KLHL41: variants seen among roughly 807,000 people sequenced by gnomAD.
KLHL41 encodes kelch-like protein 41.
Under a neutral mutation model 49.2 loss-of-function variants are expected in KLHL41, and 31 were observed. The observed-to-expected ratio is 0.63, with a 90% confidence interval of 0.47 to 0.85. The LOEUF is 0.85. Ranked by LOEUF, KLHL41 falls within the 40% of genes least tolerant of loss-of-function variation. The probability of loss-of-function intolerance (pLI) is 0.00; values close to 1 mark genes in which losing one functional copy is unlikely to be tolerated. For missense variants in KLHL41, 663 were observed against 726.7 expected (o/e 0.91, Z 1.01); for synonymous variants, 218 against 258.5 (o/e 0.84, Z 1.50).
At chr2:169,512,347 A>G (rs932041079) in intron 1 of KLHL41, among the ~76,000 whole-genome samples, 9 of 152,200 alleles carry the variant, frequency 5.9e-5, no homozygotes, top group Non-Finnish European at 1.5e-5. Flanking sequence ...TAAGAATGTT[A>G]TAAAAACACA....
At chr2:169,522,649 A>G (rs962482927) in intron 5 of KLHL41, among the ~76,000 whole-genome samples, 8 of 150,522 alleles carry the variant, frequency 5.3e-5, no homozygotes, top group Non-Finnish European at 1.0e-4. Context: ...GACCAATTAT[A>G]TCAAAATTTC....
In KLHL41 at chr2:169,517,400, C is replaced by T. The variant is rs567645019; in HGVS notation, c.1377-790C>T. Among the ~76,000 whole-genome samples, 4 of 152,250 alleles carry T rather than the reference C, an allele frequency of 2.6e-5. No individual in the cohort carries two copies. In the South Asian group the frequency reaches 6.2e-4, roughly 24 times the overall value. On this transcript the variant is annotated intron_variant, in intron 3 of 5. Coordinates refer to ENST00000284669, the MANE Select transcript of KLHL41 (RefSeq NM_006063.3). ...GGAGGATCACTTGAGCTCAGGAATT[C>T]GAGACCAGCCTGGCCAACATGGCGA...
chr2:169,513,576 T>G (rs1392510166), intron 1 of KLHL41, among the ~76,000 whole-genome samples: 1 of 152,180 alleles, frequency 6.6e-6, no homozygotes, highest in Non-Finnish European at 1.5e-5. Flanking sequence ...TTAACTGAGG[T>G]TACTAGACCA....
intron 5 of KLHL41, among the ~76,000 whole-genome samples, chr2:169,524,193 T>A (rs1684262452): frequency 6.6e-6 from 1 of 152,150 alleles, no homozygotes. Context: ...TATTTATCTC[T>A]TAATTTGTTG....
At chr2:169,520,243 T>A in intron 4 of KLHL41, among the ~76,000 whole-genome samples, 1 of 131,814 alleles carries the variant, frequency 7.6e-6, no homozygotes, top group Non-Finnish European at 1.6e-5. Flanking sequence ...GCTGGTCTCA[T>A]ACTCCTTGGG....
chr2:169,522,895 G>A, intron 5 of KLHL41, among the ~76,000 whole-genome samples: 1 of 151,578 alleles, frequency 6.6e-6, no homozygotes, highest in African/African-American at 2.4e-5. Flanking sequence ...GCTAATTTTT[G>A]TATTTTTAGT....
intron 5 of KLHL41, among the ~76,000 whole-genome samples, chr2:169,522,051 GA>G (rs1470311544): frequency 1.3e-5 from 2 of 151,428 alleles, no homozygotes; most frequent in African/African-American, 4.9e-5. Flanking sequence ...TACTGAATGA[GA>G]ATCTGTATTT....
chr2:169,510,566 TC>T lies in KLHL41; in HGVS notation c.791del (p.Pro264GlnfsTer15). Reference protein sequence around the residue: ...KVLKDAFAGKLPEPSKNAAKT... With the variant: ...KVLKDAFAGKXPEPSKNAAKT... ...CTAAAAGATGCTTTCGCAGGCAAAC[TC>T]CCAGAACCTAGCAAAAATGCCGCGA... On this transcript the variant is annotated frameshift_variant, in exon 1 of 6. Transcript: ENST00000284669. LOFTEE classifies it high-confidence loss of function. The surrounding 1 kb of genome is among the most constrained non-coding windows in gnomAD (Gnocchi z 4.2). 1 of 1,614,070 alleles carries T rather than the reference TC, an allele frequency of 6.2e-7. No individual in the cohort carries two copies. The highest frequency in any genetic ancestry group is 8.5e-7 in the Non-Finnish European group (1 of 1,180,006).
chr2:169,524,008 T>A lies in KLHL41; in HGVS notation c.1710-1577T>A, dbSNP rs1479289827. On this transcript the variant is annotated intron_variant, in intron 5 of 5. Transcript: ENST00000284669. ...ATTCTCAACATAGACCCTCTTACTA[T>A]ACGTAAAAAAAAAATTCCATTCTTG... Among the ~76,000 whole-genome samples the A allele has an allele frequency of 3.3e-5, 5 of 149,480 alleles. 1 individual carries two copies. The highest frequency in any genetic ancestry group is 1.3e-4 in the African/African-American group (5 of 38,974).
chr2:169,514,566 T>A lies in KLHL41; in HGVS notation c.1111-8T>A. On this transcript the variant is annotated splice_region_variant and splice_polypyrimidine_tract_variant and intron_variant, in intron 1 of 5. Transcript: ENST00000284669. ...GGCTCCACAATCTCTCATATATGTTTTTTTCAGCTCGATAGCATAGCATCT... is the reference window on the plus strand; with the variant it reads ...GGCTCCACAATCTCTCATATATGTTATTTTCAGCTCGATAGCATAGCATCT... The A allele has an allele frequency of 6.2e-7, 1 of 1,603,678 alleles. No individual in the cohort carries two copies. Among genetic ancestry groups the A allele is most frequent in the Non-Finnish European group, 8.5e-7 (1 of 1,177,212 alleles).
intron 5 of KLHL41, 130 bp downstream of exon 5, chr2:169,521,137 C>G: frequency 1.3e-6 from 1 of 760,504 alleles, no homozygotes; most frequent in Non-Finnish European, 2.1e-6. Context: ...CTAAACACTT[C>G]AAACCTAATT....
At chr2:169,519,467 AAC>A (rs1285900055) in intron 4 of KLHL41, among the ~76,000 whole-genome samples, 1 of 152,170 alleles carries the variant, frequency 6.6e-6, no homozygotes, top group Non-Finnish European at 1.5e-5. Context: ...GTTAAGAAGC[AAC>A]ACACAAAAAT....
intron 3 of KLHL41, among the ~76,000 whole-genome samples, 192 bp downstream of exon 3, chr2:169,515,153 C>G (rs1010959694): frequency 1.4e-4 from 21 of 151,744 alleles, no homozygotes; most frequent in Non-Finnish European, 7.4e-5. Flanking sequence ...CCTGTCTCAG[C>G]CTCCTGAGTA....
intron 4 of KLHL41, among the ~76,000 whole-genome samples, chr2:169,519,142 T>G (rs1317894215): frequency 6.6e-6 from 1 of 152,226 alleles, no homozygotes; most frequent in Non-Finnish European, 1.5e-5. Context: ...GTTTATAATT[T>G]TATTAAAAAT....
intron 3 of KLHL41, among the ~76,000 whole-genome samples, chr2:169,517,808 C>T (rs1476666040): frequency 6.6e-6 from 1 of 152,016 alleles, no homozygotes; most frequent in East Asian, 1.9e-4. Flanking sequence ...TTAACTGATT[C>T]GTTCCTAGGA....
At chr2:169,519,228 A>C (rs1165061059) in intron 4 of KLHL41, among the ~76,000 whole-genome samples, 1 of 152,182 alleles carries the variant, frequency 6.6e-6, no homozygotes, top group Non-Finnish European at 1.5e-5. Context: ...TGGTCTTTTT[A>C]AAATTTTTGA....
Position 169,510,907 on chromosome 2 carries a change from A to G in KLHL41, c.1110+19A>G, listed in dbSNP as rs369566057. Reference sequence around the variant, plus strand: ...CTTCCAGGTAAGAAGGACTTTTTGTATATGTAGTTGCTTAAAGGGAAGGCT... The same window carrying G: ...CTTCCAGGTAAGAAGGACTTTTTGTGTATGTAGTTGCTTAAAGGGAAGGCT... On this transcript the variant is annotated intron_variant, in intron 1 of 5. Transcript: ENST00000284669. The surrounding 1 kb of genome is among the most constrained non-coding windows in gnomAD (Gnocchi z 4.2). 71 of 1,600,286 alleles carry G rather than the reference A, an allele frequency of 4.4e-5. No individual in the cohort carries two copies. In the African/African-American group the frequency reaches 8.0e-4, roughly 18 times the overall value.
chr2:169,518,429 T>C (rs1684150231), intron 4 of KLHL41, 54 bp downstream of exon 4: 2 of 1,322,794 alleles, frequency 1.5e-6, no homozygotes, highest in East Asian at 4.7e-5. Context: ...ATTTTAATTG[T>C]TAACTTTGGA....
rs570441759 is a variant in KLHL41, at chr2:169,520,964, G to A, written c.1666G>A (p.Glu556Lys). The change falls in exon 5 of 6, where the codon GAG (glutamate) becomes AAG (lysine). Residue 556 changes from glutamate (E) to lysine (K), a missense_variant. Physicochemically the swap from Glu to Lys is moderately conservative, Grantham distance 56 (BLOSUM62 1). Coordinates refer to ENST00000284669, the MANE Select transcript of KLHL41 (RefSeq NM_006063.3). ...TGGTGGTTTTGCTATGATTCAACTG[G>A]AGTCTAAAGAATTTGCACCCACTGA... Reference protein sequence around the residue: ...AIGGFAMIQLESKEFAPTEVN... With the variant: ...AIGGFAMIQLKSKEFAPTEVN... 3.4e-5 allele frequency: 55 copies of A among 1,614,000 alleles called. No individual in the cohort carries two copies. The South Asian group carries it at 5.6e-4, about 16-fold the overall frequency.
Sources: allele counts gnomAD v4.1 joint callset (sites outside exome capture counted in the v4.1 genomes callset), GRCh38; gene constraint gnomAD v4.1.1; non-coding constraint Gnocchi (gnomAD v3.1); transcripts MANE v1.5; gene names NCBI Gene and HGNC (gene_info 2026-07-23, HGNC 2026-07-21).